The following CEBPG variants were observed in gnomAD, a reference collection of about 807,000 sequenced individuals.
CEBPG encodes the protein CCAAT enhancer binding protein gamma, also known as CCAAT/enhancer-binding protein gamma.
A neutral mutation model predicts 11.1 loss-of-function variants in CEBPG; 6 were observed. That is an observed-to-expected ratio of 0.54 (90% CI 0.30 to 1.07). The LOEUF (loss-of-function observed/expected upper bound fraction) is 1.07. Ranked by LOEUF, CEBPG falls within the 50% of genes least tolerant of loss-of-function variation. The pLI, the probability that CEBPG is intolerant of heterozygous loss-of-function variation, is 0.07. For synonymous variants in CEBPG, 66 were observed against 71.0 expected, an observed-to-expected ratio of 0.93 and a Z score of 0.36; for missense variants, 161 against 187.4, an observed-to-expected ratio of 0.86 and a Z score of 0.82.
chr19:33,377,471 C>T (rs1016003142), intron 1 of CEBPG, among the ~76,000 whole-genome samples: 1 of 152,044 alleles, frequency 6.6e-6, no homozygotes, highest in African/African-American at 2.4e-5. Context: ...ATAAGGTGAA[C>T]ATGATTATGA....
At chr19:33,374,071 T>A (rs1967879376) in intron 1 of CEBPG, among the ~76,000 whole-genome samples, 176 bp downstream of exon 1, 1 of 150,074 alleles carries the variant, frequency 6.7e-6, no homozygotes, top group African/African-American at 2.4e-5. Context: ...GCGCGGCGTC[T>A]GATGCAACCT....
At position 33,381,018 on chromosome 19, in the gene CEBPG, A is replaced by G. The variant is rs1292553981; in HGVS notation, c.*1326A>G. 1 of 167,048 alleles carries G rather than the reference A, an allele frequency of 6.0e-6. No individual in the cohort carries two copies. Among genetic ancestry groups the G allele is most frequent in the Non-Finnish European group, 1.5e-5 (1 of 68,110 alleles). 10.3% of individuals were successfully genotyped at this position (167,048 alleles called of 1,614,324 possible). ...AAGTAGGGACTCTAGAGTCTGGCTT[A>G]CGTCAGTGTTGGTAGTTTAGATTGT... is the stretch of plus-strand genomic sequence containing the variant. On this transcript the variant is annotated 3_prime_UTR_variant, in exon 2 of 2. Transcript: ENST00000284000.
At position 33,381,205 on chromosome 19, in the gene CEBPG, GA is replaced by G. The variant is rs2145313455; in HGVS notation, c.*1515del. The stretch of plus-strand genomic sequence containing the variant: ...GTTTGTGTTATCAGGTATCTTATTT[GA>G]ACATGGTCATTTTTGGCCACATTGC... On this transcript the variant is annotated 3_prime_UTR_variant, in exon 2 of 2. Transcript: ENST00000284000. 1 of 167,146 alleles carries G rather than the reference GA, an allele frequency of 6.0e-6. No homozygotes were observed. The highest frequency in any genetic ancestry group is 1.5e-5 in the Non-Finnish European group (1 of 68,100). 10.4% of individuals were successfully genotyped at this position (167,146 alleles called of 1,614,324 possible).
At chr19:33,376,425 T>G (rs576763580) in intron 1 of CEBPG, among the ~76,000 whole-genome samples, 49 of 152,348 alleles carry the variant, frequency 3.2e-4, no homozygotes, top group African/African-American at 1.2e-3. Context: ...TTCTCAATAT[T>G]CATTGGGAAT....
At chr19:33,377,125 G>A (rs750710673) in intron 1 of CEBPG, among the ~76,000 whole-genome samples, 12 of 152,266 alleles carry the variant, frequency 7.9e-5, no homozygotes, top group Admixed American at 3.9e-4. Flanking sequence ...CCCTGTTCCT[G>A]TATCTTTGGA....
chr19:33,380,357 A>G lies in CEBPG; in HGVS notation c.*665A>G, dbSNP rs1967969646. 1 of 166,762 alleles carries G rather than the reference A, an allele frequency of 6.0e-6. No individual in the cohort carries two copies. 10.3% of individuals were successfully genotyped at this position (166,762 alleles called of 1,614,324 possible). A position where few individuals can be genotyped will look rare whatever the true frequency, so the allele number is the denominator to read the frequency against. ...AAAATACAAATAACATTTAGGAAGC[A>G]AATAGATTAAACACAAAAATAAAAC... On this transcript the variant is annotated 3_prime_UTR_variant, in exon 2 of 2. Coordinates refer to ENST00000284000, the MANE Select transcript of CEBPG (RefSeq NM_001806.4).
intron 1 of CEBPG, among the ~76,000 whole-genome samples, chr19:33,375,726 C>T (rs1316390879): frequency 6.6e-6 from 1 of 152,068 alleles, no homozygotes; most frequent in Non-Finnish European, 1.5e-5. Context: ...AGACACGATG[C>T]GGCTGGAGTT....
rs912152402 is a variant in CEBPG at position 33,381,386 on chromosome 19, C to G, written c.*1694C>G. ...AAGCCATTCTTAAGAGTCGTGAGGT[C>G]CTTCTGAATGTAAAACTGGAGCCCA... On this transcript the variant is annotated 3_prime_UTR_variant, in exon 2 of 2. Transcript: ENST00000284000. The G allele has an allele frequency of 6.0e-6, 1 of 167,038 alleles. No homozygotes were observed. The highest frequency in any genetic ancestry group is 1.5e-5 in the Non-Finnish European group (1 of 68,130). The allele number at this position is 167,038 out of a possible 1,614,324, so 10.3% of individuals were successfully genotyped here.
In CEBPG at chr19:33,379,593, C is replaced by CA; in HGVS notation, c.357dup (p.Asp120ArgfsTer5). 6.2e-7 allele frequency: 1 copy of CA among 1,614,064 alleles called. No homozygotes were observed. The highest frequency in any genetic ancestry group is 8.5e-7 in the Non-Finnish European group (1 of 1,179,990). On this transcript the variant is annotated frameshift_variant, in exon 2 of 2. Coordinates refer to ENST00000284000, the MANE Select transcript of CEBPG (RefSeq NM_001806.4). ...TGCTGACCAAGGAATTAAGTGTACT[C>CA]AAAGATTTGTTTCTTGAGCATGCAC...
intron 1 of CEBPG, among the ~76,000 whole-genome samples, chr19:33,375,585 C>T (rs935039774): frequency 3.3e-5 from 5 of 152,112 alleles, no homozygotes; most frequent in Non-Finnish European, 7.4e-5. Flanking sequence ...TAAATCACTT[C>T]AAAAGGATTG....
At position 33,379,129 on chromosome 19, in the gene CEBPG, T is replaced by C; in HGVS notation, c.-96-15T>C. The C allele has an allele frequency of 1.1e-6, 1 of 914,852 alleles. No homozygotes were observed. The allele number at this position is 914,852 out of a possible 1,614,324, so 56.7% of individuals were successfully genotyped here. ...GTCATTTCAAATATTTTAATGCAAT[T>C]TATTTTTTAACTAGGTACATGTGAA... On this transcript the variant is annotated splice_polypyrimidine_tract_variant and intron_variant, in intron 1 of 1. Coordinates refer to ENST00000284000, the MANE Select transcript of CEBPG (RefSeq NM_001806.4).
At chr19:33,375,500 T>TA (rs991947646) in intron 1 of CEBPG, among the ~76,000 whole-genome samples, 62 of 152,076 alleles carry the variant, frequency 4.1e-4, no homozygotes, top group Non-Finnish European at 6.8e-4. Context: ...GCTCTATCAG[T>TA]AAAAAAAAGA....
rs540671626 is a variant in CEBPG at position 33,376,689 on chromosome 19, A to C, written c.-96-2455A>C. On this transcript the variant is annotated intron_variant, in intron 1 of 1. Coordinates refer to ENST00000284000, the MANE Select transcript of CEBPG (RefSeq NM_001806.4). ...GGAAGGAAGCCAGGCGCCGCCCTGC[A>C]TCCTGTAGCCTGAACTTTGGAATAG... Among the ~76,000 whole-genome samples, 4 of 152,358 alleles carry C rather than the reference A, an allele frequency of 2.6e-5. No homozygotes were observed. The East Asian group carries it at 7.7e-4, about 29-fold the overall frequency.
In CEBPG at chr19:33,379,912, A is replaced by G. The variant is rs550003748; in HGVS notation, c.*220A>G. On this transcript the variant is annotated 3_prime_UTR_variant, in exon 2 of 2. Coordinates refer to ENST00000284000, the MANE Select transcript of CEBPG (RefSeq NM_001806.4). ...ATGATAGAGGTTTTTGTGGGAATCA[A>G]AATCCCCCAAATGTTAAGGTATATG... 1.5e-5 allele frequency: 7 copies of G among 460,220 alleles called. No individual in the cohort carries two copies. The highest frequency in any genetic ancestry group is 5.1e-5 in the South Asian group (1 of 19,696). 28.5% of individuals were successfully genotyped at this position (460,220 alleles called of 1,614,324 possible).
intron 1 of CEBPG, among the ~76,000 whole-genome samples, chr19:33,376,079 A>G (rs188373794): frequency 7.9e-5 from 12 of 151,948 alleles, no homozygotes; most frequent in African/African-American, 2.7e-4. Context: ...TGTTTGTTTT[A>G]GGTGGAATTG....
chr19:33,378,129 T>C (rs1041603513), intron 1 of CEBPG, among the ~76,000 whole-genome samples: 9 of 152,260 alleles, frequency 5.9e-5, no homozygotes, highest in Admixed American at 5.9e-4. Context: ...GTTGATAGGA[T>C]AGTCACACTT....
rs75664808 is a variant in CEBPG at position 33,381,054 on chromosome 19, G to A, written c.*1362G>A. 7.3e-3 allele frequency: 1,227 copies of A among 167,002 alleles called. 13 individuals are homozygous for A. Among genetic ancestry groups the A allele is most frequent in the African/African-American group, 0.028 (1,143 of 41,540 alleles). 10.3% of individuals were successfully genotyped at this position (167,002 alleles called of 1,614,324 possible). Reference sequence around the variant, plus strand: ...GGTAGTTTAGATTGTCTTTGTCAACGTTTTTTCTTCTCTCTTTTGCTTTCT... The same window carrying A: ...GGTAGTTTAGATTGTCTTTGTCAACATTTTTTCTTCTCTCTTTTGCTTTCT... On this transcript the variant is annotated 3_prime_UTR_variant, in exon 2 of 2. Transcript: ENST00000284000.
intron 1 of CEBPG, among the ~76,000 whole-genome samples, chr19:33,375,847 G>A (rs1967905475): frequency 6.6e-6 from 1 of 152,192 alleles, no homozygotes; most frequent in African/African-American, 2.4e-5. Context: ...TGAGGGAGGA[G>A]AGAGGGTCAG....
In CEBPG at chr19:33,379,147, C is replaced by T; in HGVS notation, c.-93C>T. 1 of 1,084,638 alleles carries T rather than the reference C, an allele frequency of 9.2e-7. No individual in the cohort carries two copies. Among genetic ancestry groups the T allele is most frequent in the Non-Finnish European group, 1.3e-6 (1 of 774,294 alleles). 67.2% of individuals were successfully genotyped at this position (1,084,638 alleles called of 1,614,324 possible). Reference sequence around the variant, plus strand: ...ATGCAATTTATTTTTTAACTAGGTACATGTGAAGATTTTTTGGCAGCTTAG... The same window carrying T: ...ATGCAATTTATTTTTTAACTAGGTATATGTGAAGATTTTTTGGCAGCTTAG... On this transcript the variant is annotated 5_prime_UTR_variant, in exon 2 of 2. Transcript: ENST00000284000.
Sources: gnomAD v4.1 joint callset for allele counts (sites outside exome capture counted in the v4.1 genomes callset) on GRCh38, gnomAD v4.1.1 for gene constraint, MANE v1.5 for transcripts, NCBI Gene and HGNC (gene_info 2026-07-23, HGNC 2026-07-21) for gene names.